Variants in EBF2 observed in about 807,000 individuals in gnomAD.
EBF2 encodes EBF transcription factor 2, also known as transcription factor COE2.
In EBF2, 21 loss-of-function variants were observed where a neutral mutation model predicts 72.8. The ratio of observed to expected loss-of-function variants is 0.29; its 90% CI spans 0.20 to 0.42. EBF2 has a LOEUF of 0.42. Among genes scored for constraint, EBF2 ranks in the 10% least tolerant of loss-of-function variants. EBF2 has a pLI of 1.00. For synonymous variants in EBF2, 299 were observed against 274.2 expected, an observed-to-expected ratio of 1.09 and a Z score of -0.89; for missense variants, 637 against 731.2, an observed-to-expected ratio of 0.87 and a Z score of 1.49.
At chr8:25,852,229 G>A (rs140561262) in intron 14 of EBF2, among the ~76,000 whole-genome samples, 69 of 152,212 alleles carry the variant, frequency 4.5e-4, no homozygotes, top group African/African-American at 1.6e-3. Context: ...AAGGACACAG[G>A]GTTAAGCATG....
intron 6 of EBF2, among the ~76,000 whole-genome samples, chr8:25,919,177 C>G (rs1245162127): frequency 6.6e-6 from 1 of 152,096 alleles, no homozygotes; most frequent in Non-Finnish European, 1.5e-5. Flanking sequence ...GTTTTCCAAC[C>G]AAGCATCAAG....
intron 6 of EBF2, among the ~76,000 whole-genome samples, chr8:26,007,514 G>A (rs960998259): frequency 6.6e-6 from 1 of 151,982 alleles, no homozygotes; most frequent in African/African-American, 2.4e-5. Context: ...CAAACAAACA[G>A]CTAGATAAAG....
At chr8:25,959,015 G>T (rs538282008) in intron 6 of EBF2, among the ~76,000 whole-genome samples, 2 of 152,324 alleles carry the variant, frequency 1.3e-5, no homozygotes, top group South Asian at 4.1e-4. Flanking sequence ...ACCTCATAAG[G>T]TTAGGCTGAG....
At chr8:25,943,330 A>AAAG (rs1563408692) in intron 6 of EBF2, among the ~76,000 whole-genome samples, 4,813 of 144,174 alleles carry the variant, frequency 0.033, 136 homozygotes, top group African/African-American at 0.13. Flanking sequence ...AAAAAAAAAA[A>AAAG]AAAGAAAGAA....
chr8:26,013,600 C>A (rs551585365), intron 6 of EBF2, among the ~76,000 whole-genome samples: 1 of 152,088 alleles, frequency 6.6e-6, no homozygotes, highest in South Asian at 2.1e-4. Flanking sequence ...TTCAGGTACC[C>A]CCAAATAGCA....
At chr8:25,995,182 T>C (rs897042589) in intron 6 of EBF2, among the ~76,000 whole-genome samples, 2 of 152,126 alleles carry the variant, frequency 1.3e-5, no homozygotes, top group African/African-American at 4.8e-5. Flanking sequence ...GGTGCATGCC[T>C]GTAATCCCAG....
chr8:25,854,121 C>A (rs1802037075), intron 14 of EBF2, among the ~76,000 whole-genome samples: 1 of 151,710 alleles, frequency 6.6e-6, no homozygotes, highest in South Asian at 2.1e-4. Flanking sequence ...AGAAATAATA[C>A]AATCCTTAGC....
intron 6 of EBF2, among the ~76,000 whole-genome samples, chr8:25,990,188 T>TAC (rs60406400): frequency 0.12 from 17,719 of 146,258 alleles, 1,312 homozygotes; most frequent in East Asian, 0.32. Flanking sequence ...CTATGGGTTA[T>TAC]ACACACACAC....
chr8:25,968,022 C>G (rs1458895187), intron 6 of EBF2, among the ~76,000 whole-genome samples: 1 of 152,162 alleles, frequency 6.6e-6, no homozygotes, highest in African/African-American at 2.4e-5. Flanking sequence ...CAGTATGCAG[C>G]TTACCTGAAA....
chr8:25,995,599 T>A (rs1484081728), intron 6 of EBF2, among the ~76,000 whole-genome samples: 3 of 152,086 alleles, frequency 2.0e-5, no homozygotes, highest in Non-Finnish European at 2.9e-5. Flanking sequence ...ATCACTGAAG[T>A]GCACACTGAA....
At chr8:26,011,246 C>G (rs1360402316) in intron 6 of EBF2, among the ~76,000 whole-genome samples, 6 of 152,242 alleles carry the variant, frequency 3.9e-5, no homozygotes, top group Non-Finnish European at 8.8e-5. Flanking sequence ...CTTGCTCTCA[C>G]TCATACATGA....
intron 6 of EBF2, among the ~76,000 whole-genome samples, chr8:25,975,470 A>G (rs1804253958): frequency 6.6e-6 from 1 of 152,212 alleles, no homozygotes; most frequent in African/African-American, 2.4e-5. Context: ...AAATAGTGCG[A>G]CAGGATTAAG....
rs1563400409 is a variant in EBF2 at position 25,918,954 on chromosome 8, C to G, written c.552-10399G>C. Among the ~76,000 whole-genome samples, 3 of 152,216 alleles carry G rather than the reference C, an allele frequency of 2.0e-5. No homozygotes were observed. The East Asian group carries it at 5.8e-4, about 29-fold the overall frequency. ...TGTATATCAAAACACTCTGTGCATGCTGGGTGCTTATAAGCTCCTTTGATG... is the reference window on the plus strand; with the variant it reads ...TGTATATCAAAACACTCTGTGCATGGTGGGTGCTTATAAGCTCCTTTGATG... On this transcript the variant is annotated intron_variant, in intron 6 of 15. Coordinates refer to ENST00000520164, the MANE Select transcript of EBF2 (RefSeq NM_022659.4).
At chr8:25,979,750 C>G (rs1355988442) in intron 6 of EBF2, among the ~76,000 whole-genome samples, 2 of 152,040 alleles carry the variant, frequency 1.3e-5, no homozygotes, top group African/African-American at 4.8e-5. Flanking sequence ...CTGAATGGTT[C>G]GTCTCTTTTT....
intron 6 of EBF2, among the ~76,000 whole-genome samples, chr8:25,974,224 C>G (rs1050827970): frequency 2.6e-5 from 4 of 152,168 alleles, no homozygotes; most frequent in African/African-American, 7.2e-5. Flanking sequence ...ATGGAGTGGG[C>G]AAAACCAGAC....
intron 6 of EBF2, among the ~76,000 whole-genome samples, chr8:25,971,699 C>CATTATACTT (rs1585212104): frequency 6.6e-6 from 1 of 152,280 alleles, no homozygotes; most frequent in East Asian, 1.9e-4. Flanking sequence ...TGGCTTGTTA[C>CATTATACTT]TGGCTAAGTA....
intron 6 of EBF2, among the ~76,000 whole-genome samples, chr8:25,968,249 G>A (rs1301400877): frequency 1.3e-5 from 2 of 152,168 alleles, no homozygotes; most frequent in South Asian, 2.1e-4. Context: ...TCAAAGCAGT[G>A]CGATTCACCA....
intron 6 of EBF2, among the ~76,000 whole-genome samples, chr8:25,937,259 G>A (rs1044034539): frequency 3.3e-5 from 5 of 152,126 alleles, no homozygotes; most frequent in South Asian, 2.1e-4. Flanking sequence ...AGAAAATTAC[G>A]ATCTCCAAGT....
At chr8:26,013,968 A>C (rs762208797) in intron 6 of EBF2, among the ~76,000 whole-genome samples, 1 of 152,158 alleles carries the variant, frequency 6.6e-6, no homozygotes, top group Non-Finnish European at 1.5e-5. Context: ...TACTGGGCCC[A>C]CCAAAACCCA....
Sources: gnomAD v4.1 joint callset for allele counts (sites outside exome capture counted in the v4.1 genomes callset) on GRCh38, gnomAD v4.1.1 for gene constraint, MANE v1.5 for transcripts, NCBI Gene and HGNC (gene_info 2026-07-23, HGNC 2026-07-21) for gene names.